Variants in PPFIA2 observed in about 807,000 individuals in gnomAD.
PPFIA2 encodes liprin-alpha-2.
PPFIA2 carries 46 observed loss-of-function variants against 175.5 expected under a neutral mutation model. That is an observed-to-expected ratio of 0.26 (90% confidence interval 0.21 to 0.34). The LOEUF is 0.34. Among genes scored for constraint, PPFIA2 ranks in the 10% least tolerant of loss-of-function variants. PPFIA2 has a pLI of 1.00. For synonymous variants in PPFIA2, 568 were observed against 511.4 expected (o/e 1.11, Z -1.49); for missense variants, 1,179 against 1,506.1 (o/e 0.78, Z 3.60).
intron 4 of PPFIA2, among the ~76,000 whole-genome samples, chr12:81,608,550 A>C (rs552602378): frequency 6.6e-6 from 1 of 151,802 alleles, no homozygotes; most frequent in African/African-American, 2.4e-5. Context: ...GCATTTATCT[A>C]TTTCTTCTAG....
intron 22 of PPFIA2, among the ~76,000 whole-genome samples, chr12:81,314,881 A>T (rs1313860768): frequency 6.6e-6 from 1 of 151,624 alleles, no homozygotes; most frequent in Non-Finnish European, 1.5e-5. Context: ...ATTTTTTTTA[A>T]TAGGTGAAAG....
chr12:81,293,356 A>T (rs1276972010), intron 24 of PPFIA2, among the ~76,000 whole-genome samples: 1 of 152,082 alleles, frequency 6.6e-6, no homozygotes, highest in Non-Finnish European at 1.5e-5. Flanking sequence ...TAGGTAAAAA[A>T]TTATGAGATG....
At chr12:81,749,641 T>C (rs1361106102) in intron 3 of PPFIA2, among the ~76,000 whole-genome samples, 2 of 144,630 alleles carry the variant, frequency 1.4e-5, no homozygotes, top group African/African-American at 2.4e-5. Context: ...CATATATGTA[T>C]AGAAATGATC....
chr12:81,546,097 C>T (rs1392824154), intron 4 of PPFIA2: 3 of 135,626 alleles, frequency 2.2e-5, no homozygotes, highest in African/African-American at 8.6e-5. Flanking sequence ...GCACTCCAGC[C>T]TGGGCAACAG....
At chr12:81,668,295 G>A (rs1015658074) in intron 4 of PPFIA2, among the ~76,000 whole-genome samples, 1 of 151,884 alleles carries the variant, frequency 6.6e-6, no homozygotes, top group Non-Finnish European at 1.5e-5. Context: ...ATGTACCTTT[G>A]ACACACCAAA....
At chr12:81,573,790 G>T (rs1420478365) in intron 4 of PPFIA2, among the ~76,000 whole-genome samples, 1 of 151,828 alleles carries the variant, frequency 6.6e-6, no homozygotes, top group African/African-American at 2.4e-5. Flanking sequence ...AGTCCTCAAT[G>T]ATATTAAATT....
At chr12:81,577,710 A>G (rs891766724) in intron 4 of PPFIA2, among the ~76,000 whole-genome samples, 1 of 151,906 alleles carries the variant, frequency 6.6e-6, no homozygotes, top group South Asian at 2.1e-4. Context: ...AGGTTGGTTT[A>G]GCTAGAAAGG....
At chr12:81,298,327 T>C (rs1455174715) in intron 23 of PPFIA2, 1 of 152,252 alleles carries the variant, frequency 6.6e-6, no homozygotes. Context: ...CAGGCATTTT[T>C]CATTCAGTGC....
intron 16 of PPFIA2, among the ~76,000 whole-genome samples, chr12:81,357,729 G>A (rs2061056165): frequency 6.6e-6 from 1 of 152,100 alleles, no homozygotes; most frequent in East Asian, 1.9e-4. Context: ...ACTACTAATA[G>A]TACTGGAAAC....
At chr12:81,683,973 G>T (rs138467230) in intron 3 of PPFIA2, among the ~76,000 whole-genome samples, 1 of 152,106 alleles carries the variant, frequency 6.6e-6, no homozygotes, top group South Asian at 2.1e-4. Flanking sequence ...CTAATAAAGA[G>T]AGAACCCACT....
chr12:81,321,420 T>C (rs1332062742), intron 22 of PPFIA2, among the ~76,000 whole-genome samples: 4 of 152,154 alleles, frequency 2.6e-5, no homozygotes, highest in African/African-American at 7.2e-5. Context: ...TAAGCAAGAA[T>C]GTTGATGACA....
intron 21 of PPFIA2, among the ~76,000 whole-genome samples, chr12:81,332,580 A>AT (rs937169938): frequency 6.6e-6 from 1 of 152,232 alleles, no homozygotes; most frequent in African/African-American, 2.4e-5. Context: ...TTTCTGTGTG[A>AT]TTTTTTATTG....
intron 7 of PPFIA2, among the ~76,000 whole-genome samples, chr12:81,409,814 T>C (rs1215652263): frequency 1.3e-5 from 2 of 152,110 alleles, no homozygotes; most frequent in Admixed American, 6.6e-5. Flanking sequence ...GTACAAGTAC[T>C]GTGCTAAACT....
intron 24 of PPFIA2, chr12:81,294,627 T>C (rs2046039187): frequency 1.7e-6 from 1 of 586,314 alleles, no homozygotes; most frequent in East Asian, 2.9e-5. Context: ...AAGTCTGCTA[T>C]GCTAGCTTTC....
chr12:81,453,084 C>T (rs1412214436), intron 5 of PPFIA2, among the ~76,000 whole-genome samples: 1 of 150,504 alleles, frequency 6.6e-6, no homozygotes, highest in Admixed American at 6.6e-5. Flanking sequence ...CATGCTGGTG[C>T]GCTGCACCCA....
intron 4 of PPFIA2, among the ~76,000 whole-genome samples, chr12:81,474,439 G>C (rs573728022): frequency 2.0e-5 from 3 of 151,990 alleles, no homozygotes; most frequent in African/African-American, 7.2e-5. Flanking sequence ...TTACAGGCAT[G>C]CACCACCACA....
intron 4 of PPFIA2, among the ~76,000 whole-genome samples, chr12:81,646,084 C>T (rs549108482): frequency 1.6e-4 from 24 of 152,284 alleles, no homozygotes; most frequent in African/African-American, 5.5e-4. Flanking sequence ...ACCCCTTCCT[C>T]CTAGGCCAAG....
chr12:81,479,094 G>C (rs1020675430), intron 4 of PPFIA2, among the ~76,000 whole-genome samples: 8 of 152,062 alleles, frequency 5.3e-5, no homozygotes, highest in Non-Finnish European at 8.8e-5. Flanking sequence ...TATAAATCTG[G>C]GTGCTCCTGT....
intron 4 of PPFIA2, among the ~76,000 whole-genome samples, chr12:81,645,025 C>T (rs1191480447): frequency 3.3e-5 from 5 of 151,870 alleles, no homozygotes; most frequent in Admixed American, 1.3e-4. Flanking sequence ...AGAAATTCTT[C>T]TCTGGAAATA....
Sources: gnomAD v4.1 joint callset for allele counts (sites outside exome capture counted in the v4.1 genomes callset) on GRCh38, gnomAD v4.1.1 for gene constraint, MANE v1.5 for transcripts, NCBI Gene and HGNC (gene_info 2026-07-23, HGNC 2026-07-21) for gene names.